Variants in ASB4 observed in about 807,000 individuals in gnomAD.
The protein encoded by ASB4 is ankyrin repeat and SOCS box containing 4.
ASB4 carries 35 observed loss-of-function variants against 38.6 expected under a neutral mutation model. That is an observed-to-expected ratio of 0.91 (90% CI 0.69 to 1.20). The LOEUF (loss-of-function observed/expected upper bound fraction) is 1.20, where lower values mean the gene tolerates loss of function less well. Among genes scored for constraint, ASB4 ranks in the 50% most tolerant of loss-of-function variants. ASB4 has a pLI of 0.00. For missense variants in ASB4, 557 were observed against 527.2 expected, an observed-to-expected ratio of 1.06 and a Z score of -0.55; for synonymous variants, 195 against 201.3, an observed-to-expected ratio of 0.97 and a Z score of 0.26.
chr7:95,496,717 A>T (rs902891182), intron 2 of ASB4, among the ~76,000 whole-genome samples: 6 of 152,032 alleles, frequency 3.9e-5, no homozygotes, highest in Non-Finnish European at 8.8e-5. Flanking sequence ...GCATGGTGGC[A>T]TGCACCTGTG....
chr7:95,478,720 G>A (rs1195139238), intron 1 of ASB4: 1 of 152,154 alleles, frequency 6.6e-6, no homozygotes, highest in Non-Finnish European at 1.5e-5. Flanking sequence ...TCCAAAGAGA[G>A]GGATGCCAGG....
chr7:95,508,865 T>C (rs1790444648), intron 2 of ASB4, among the ~76,000 whole-genome samples: 1 of 152,240 alleles, frequency 6.6e-6, no homozygotes, highest in Non-Finnish European at 1.5e-5. Context: ...AGAATTGTTA[T>C]AGTGGACACT....
rs776775569 is a variant in ASB4, at chr7:95,527,788, T to C, written c.488-25T>C. 5.7e-6 allele frequency: 9 copies of C among 1,566,198 alleles called. No individual in the cohort carries two copies. The East Asian group carries it at 2.0e-4, about 36-fold the overall frequency. ...TAATGACAAAACATGTTTAAATAAT[T>C]GTCTTCCTCAATTTCCCTTTATAGG... On this transcript the variant is annotated intron_variant, in intron 2 of 4. Transcript: ENST00000325885.
intron 2 of ASB4, among the ~76,000 whole-genome samples, chr7:95,517,601 GA>G (rs111917269): frequency 0.023 from 3,255 of 141,030 alleles, 47 homozygotes; most frequent in Non-Finnish European, 0.035. Flanking sequence ...CAAGGAAACT[GA>G]AAAAAAAAAA....
At chr7:95,494,701 G>C (rs112854772) in intron 1 of ASB4, among the ~76,000 whole-genome samples, 1,925 of 152,162 alleles carry the variant, frequency 0.013, 17 homozygotes, top group Middle Eastern at 0.024. Flanking sequence ...TATTGGCATT[G>C]ACATAGAAAG....
At chr7:95,531,728 T>G (rs1790822262) in intron 3 of ASB4, among the ~76,000 whole-genome samples, 1 of 152,138 alleles carries the variant, frequency 6.6e-6, no homozygotes, top group African/African-American at 2.4e-5. Context: ...TTCTGAAACT[T>G]GCTGTGGAAT....
Position 95,536,526 on chromosome 7 carries a change from A to T in ASB4, c.1068A>T (p.Arg356Ser). Reference protein sequence around the residue: ...EHIRWNTKWRRAIPDDDLEKY... With the variant: ...EHIRWNTKWRSAIPDDDLEKY... ...TCAGATGGAACACAAAGTGGAGAAG[A>T]GCTATCCCCGATGATGACTTGGAGG... The change falls in exon 4 of 5, where the codon AGA becomes AGT. Residue 356 changes from arginine (R) to serine (S), a missense_variant. By Grantham distance (110) the Arg-to-Ser change is moderately radical (BLOSUM62 -1). Transcript: ENST00000325885. The T allele has an allele frequency of 6.2e-7, 1 of 1,611,606 alleles. No homozygotes were observed. Among genetic ancestry groups the T allele is most frequent in the Non-Finnish European group, 8.5e-7 (1 of 1,177,888 alleles).
chr7:95,477,849 A>G (rs1179254140), upstream of ASB4, among the ~76,000 whole-genome samples: 4 of 152,002 alleles, frequency 2.6e-5, no homozygotes, highest in African/African-American at 9.7e-5. Context: ...TTTTCTGAAA[A>G]TATGTGCCCC....
At chr7:95,503,068 G>A (rs1790363224) in intron 2 of ASB4, among the ~76,000 whole-genome samples, 4 of 152,268 alleles carry the variant, frequency 2.6e-5, no homozygotes. Context: ...AAAATTATAT[G>A]TGACTATGCA....
At chr7:95,517,296 A>G (rs918236452) in intron 2 of ASB4, among the ~76,000 whole-genome samples, 2 of 152,078 alleles carry the variant, frequency 1.3e-5, no homozygotes, top group Non-Finnish European at 2.9e-5. Context: ...AGACTCCCCA[A>G]ATGCTGGGAC....
Position 95,495,738 on chromosome 7 carries a change from C to CT in ASB4, c.188-4dup, listed in dbSNP as rs35506436. The CT allele has an allele frequency of 0.12, 167,860 of 1,412,818 alleles. 1,422 individuals are homozygous for CT. The highest frequency in any genetic ancestry group is 0.13 in the Non-Finnish European group (135,093 of 1,048,712). 87.5% of individuals were successfully genotyped at this position (1,412,818 alleles called of 1,614,324 possible). A position where few individuals can be genotyped will look rare whatever the true frequency, so the allele number is the denominator to read the frequency against. On this transcript the variant is annotated intron_variant, in intron 1 of 4. Coordinates refer to ENST00000325885, the MANE Select transcript of ASB4 (RefSeq NM_016116.3). ...GTCAAGAAGTTAAACTTTCCTTTTC[C>CT]TTTTTTTTTTTTTTTTCAGGTTACT...
intron 1 of ASB4, 150 bp from the exon 2 acceptor site, chr7:95,495,608 G>T (rs1790233453): frequency 4.3e-6 from 3 of 695,046 alleles, no homozygotes; most frequent in Admixed American, 5.9e-5. Context: ...AGACCCATTA[G>T]CTATTAGTTT....
intron 4 of ASB4, 71 bp downstream of exon 4, chr7:95,536,621 ATTGT>A: frequency 1.7e-6 from 2 of 1,145,768 alleles, no homozygotes; most frequent in Admixed American, 4.6e-5. Context: ...AGTACAGAAA[ATTGT>A]AACAAAAAAG....
chr7:95,498,821 T>A (rs1790289235), intron 2 of ASB4, among the ~76,000 whole-genome samples: 1 of 152,188 alleles, frequency 6.6e-6, no homozygotes. Flanking sequence ...TTAATTTTTT[T>A]ATATGGTATA....
At chr7:95,542,195 A>G (rs1215220858), downstream of ASB4, 1 of 152,048 alleles carries the variant, frequency 6.6e-6, no homozygotes, top group African/African-American at 2.4e-5. Flanking sequence ...ATTCATTTTT[A>G]GTAGCTCAAG....
chr7:95,475,496 G>A (rs1789968252), upstream of ASB4, among the ~76,000 whole-genome samples: 1 of 152,082 alleles, frequency 6.6e-6, no homozygotes, highest in Non-Finnish European at 1.5e-5. Context: ...CAATTCTCCT[G>A]CCTCAGCCTC....
chr7:95,495,817 G>A lies in ASB4; in HGVS notation c.247G>A (p.Val83Ile). Residue 83 changes from valine to isoleucine, a missense_variant, in exon 2 of 5, where the codon GTC (valine) becomes ATC (isoleucine). Physicochemically the swap from Val to Ile is conservative, Grantham distance 29. Transcript: ENST00000325885. The part of the protein sequence containing the change: ...SSWATGLHLS[V>I]LFGHVECLLV... ...CTGGGCCACAGGCCTCCATCTCTCT[G>A]TCTTGTTTGGCCATGTGGAATGTCT... 1 of 1,610,654 alleles carries A rather than the reference G, an allele frequency of 6.2e-7. No individual in the cohort carries two copies. The highest frequency in any genetic ancestry group is 8.5e-7 in the Non-Finnish European group (1 of 1,179,610).
upstream of ASB4, among the ~76,000 whole-genome samples, chr7:95,477,352 G>A (rs772895757): frequency 1.3e-5 from 2 of 152,078 alleles, no homozygotes; most frequent in African/African-American, 2.4e-5. Context: ...TCAACTCTAC[G>A]TCACCTTTTG....
intron 2 of ASB4, among the ~76,000 whole-genome samples, chr7:95,518,970 A>C (rs1261544205): frequency 6.6e-6 from 1 of 152,178 alleles, no homozygotes; most frequent in Non-Finnish European, 1.5e-5. Flanking sequence ...GGATGACATA[A>C]ATCTTAAAGA....
Sources: allele counts gnomAD v4.1 joint callset (sites outside exome capture counted in the v4.1 genomes callset), GRCh38; gene constraint gnomAD v4.1.1; transcripts MANE v1.5; gene names NCBI Gene and HGNC (gene_info 2026-07-23, HGNC 2026-07-21).